Variants in PTGER4 observed in about 807,000 individuals in gnomAD.
PTGER4 encodes prostaglandin E2 receptor EP4 subtype.
In PTGER4, 11 loss-of-function variants were observed where a neutral mutation model predicts 33.2. That is an observed-to-expected ratio of 0.33 (90% confidence interval 0.21 to 0.55). PTGER4 has a LOEUF of 0.55. Among genes scored for constraint, PTGER4 ranks in the 20% least tolerant of loss-of-function variants. The probability of loss-of-function intolerance (pLI) is 0.92; values close to 1 mark genes in which losing one functional copy is unlikely to be tolerated. For synonymous variants in PTGER4, 275 were observed against 281.5 expected, an observed-to-expected ratio of 0.98 and a Z score of 0.23; for missense variants, 481 against 650.2, an observed-to-expected ratio of 0.74 and a Z score of 2.83.
rs1741163238 is a variant in PTGER4, at chr5:40,680,821, A to G, written c.-43-130A>G. Reference sequence around the variant, plus strand: ...TGGTGGCCGCAGTTGGTAAGTGGCTACAATCCAGAAAGTAGGATCGAGTTG... The same window carrying G: ...TGGTGGCCGCAGTTGGTAAGTGGCTGCAATCCAGAAAGTAGGATCGAGTTG... On this transcript the variant is annotated intron_variant, in intron 1 of 2. Coordinates refer to ENST00000302472, the MANE Select transcript of PTGER4 (RefSeq NM_000958.3). This position sits in a 1 kb window ranked among gnomAD's most constrained non-coding sequence, Gnocchi z 5.5. 2 of 844,736 alleles carry G rather than the reference A, an allele frequency of 2.4e-6. No individual in the cohort carries two copies. The highest frequency in any genetic ancestry group is 3.7e-6 in the Non-Finnish European group (2 of 547,532). The allele number at this position is 844,736 out of a possible 1,614,324, so 52.3% of individuals were successfully genotyped here. A position where few individuals can be genotyped will look rare whatever the true frequency, so the allele number is the denominator to read the frequency against.
At chr5:40,744,892 C>A in the PTGER4 span, among the ~76,000 whole-genome samples, 880 of 152,168 alleles carry the variant, frequency 5.8e-3, 6 homozygotes, top group African/African-American at 0.019. Flanking sequence ...ACAGAGATGG[C>A]AATATAATAT....
chr5:40,712,271 T>TA, the PTGER4 span, among the ~76,000 whole-genome samples: 10 of 151,994 alleles, frequency 6.6e-5, no homozygotes, highest in South Asian at 6.2e-4. Context: ...TTCCATTATT[T>TA]AAAAAAAACC....
At chr5:40,739,184 A>G in the PTGER4 span, among the ~76,000 whole-genome samples, 1 of 152,230 alleles carries the variant, frequency 6.6e-6, no homozygotes. Flanking sequence ...ATTAAGTAAT[A>G]TAAGTTCCCT....
intron 2 of PTGER4, among the ~76,000 whole-genome samples, chr5:40,687,698 T>C (rs569947526): frequency 3.5e-4 from 54 of 152,364 alleles, no homozygotes; most frequent in African/African-American, 1.2e-3. Flanking sequence ...GTAAAACTCA[T>C]ATTGATTCTT....
chr5:40,735,428 C>T, the PTGER4 span, among the ~76,000 whole-genome samples: 177 of 152,150 alleles, frequency 1.2e-3, no homozygotes, highest in Middle Eastern at 6.8e-3. Flanking sequence ...ACAGTTGGCT[C>T]AACTTGGACT....
At chr5:40,741,257 G>A in the PTGER4 span, among the ~76,000 whole-genome samples, 3 of 152,160 alleles carry the variant, frequency 2.0e-5, no homozygotes, top group South Asian at 2.1e-4. Flanking sequence ...GTTTTCTAGG[G>A]AAGGTCTGAA....
the PTGER4 span, among the ~76,000 whole-genome samples, chr5:40,742,703 A>G: frequency 6.6e-6 from 1 of 152,202 alleles, no homozygotes; most frequent in Non-Finnish European, 1.5e-5. Flanking sequence ...AAGAAAAAGA[A>G]TAAGACCCAG....
the PTGER4 span, among the ~76,000 whole-genome samples, chr5:40,723,026 G>A: frequency 3.9e-4 from 59 of 152,302 alleles, no homozygotes; most frequent in African/African-American, 8.4e-4. Context: ...AGGAGAGATC[G>A]GATTGTTACT....
chr5:40,738,550 AATAAAATAAAATAAAAT>A, the PTGER4 span, among the ~76,000 whole-genome samples: 6 of 134,236 alleles, frequency 4.5e-5, no homozygotes, highest in South Asian at 2.3e-4. Context: ...AATAAAATAA[AATAAAATAAAATAAAAT>A]ATAAAATAAA....
chr5:40,700,771 A>G, the PTGER4 span, among the ~76,000 whole-genome samples: 2 of 152,180 alleles, frequency 1.3e-5, no homozygotes, highest in East Asian at 3.9e-4. Context: ...CAAGGGGTAG[A>G]GGAACCCACA....
downstream of PTGER4, among the ~76,000 whole-genome samples, chr5:40,697,752 CAA>C (rs1181468515): frequency 3.3e-5 from 5 of 151,344 alleles, no homozygotes; most frequent in African/African-American, 9.7e-5. Context: ...CCATGAAAAA[CAA>C]AGAGAGGTGG....
chr5:40,735,351 T>G, the PTGER4 span, among the ~76,000 whole-genome samples: 1 of 152,054 alleles, frequency 6.6e-6, no homozygotes, highest in African/African-American at 2.4e-5. Context: ...AGGTATGAGA[T>G]AACCCTAGAT....
chr5:40,711,042 ATTG>A, the PTGER4 span, among the ~76,000 whole-genome samples: 1 of 152,060 alleles, frequency 6.6e-6, no homozygotes, highest in African/African-American at 2.4e-5. Context: ...AAACCTGCAC[ATTG>A]TGCACATGTA....
the PTGER4 span, chr5:40,715,013 T>A: frequency 1.3e-5 from 2 of 152,078 alleles, no homozygotes; most frequent in Non-Finnish European, 2.9e-5. Flanking sequence ...GACTGTGGAC[T>A]TTCAATAAAA....
chr5:40,733,312 C>A, the PTGER4 span, among the ~76,000 whole-genome samples: 6 of 152,052 alleles, frequency 3.9e-5, no homozygotes, highest in Admixed American at 3.3e-4. Flanking sequence ...AGTAAAGGTC[C>A]ATATAGTAAA....
chr5:40,743,415 A>G, the PTGER4 span, among the ~76,000 whole-genome samples: 10,612 of 152,122 alleles, frequency 0.07, 401 homozygotes, highest in Non-Finnish European at 0.077. Context: ...GGGACTCAGT[A>G]TTTTTTTTAA....
chr5:40,718,496 C>G, the PTGER4 span, among the ~76,000 whole-genome samples: 286 of 152,314 alleles, frequency 1.9e-3, 3 homozygotes, highest in African/African-American at 6.5e-3. Context: ...AATCCCATCA[C>G]TCTGGCAGGC....
the PTGER4 span, among the ~76,000 whole-genome samples, chr5:40,711,193 C>T: frequency 6.6e-6 from 1 of 152,046 alleles, no homozygotes; most frequent in Admixed American, 6.6e-5. Flanking sequence ...AAAACTCTTA[C>T]AACTCAATAA....
chr5:40,717,385 G>A, the PTGER4 span, among the ~76,000 whole-genome samples: 1 of 152,198 alleles, frequency 6.6e-6, no homozygotes, highest in Admixed American at 6.5e-5. Flanking sequence ...GAGCTGGGAT[G>A]CAAATTCAGG....
Sources: allele counts gnomAD v4.1 joint callset (sites outside exome capture counted in the v4.1 genomes callset), GRCh38; gene constraint gnomAD v4.1.1; non-coding constraint Gnocchi (gnomAD v3.1); transcripts MANE v1.5; gene names NCBI Gene and HGNC (gene_info 2026-07-23, HGNC 2026-07-21).